Variants in SBF1 observed in about 807,000 individuals in gnomAD.
SBF1 encodes myotubularin-related protein 5.
SBF1 carries 65 observed loss-of-function variants against 215.8 expected under a neutral mutation model. That is an observed-to-expected ratio of 0.30 (90% confidence interval 0.25 to 0.37). The LOEUF (loss-of-function observed/expected upper bound fraction) is 0.37, where lower values mean the gene tolerates loss of function less well. Ranked by LOEUF, SBF1 falls within the 10% of genes least tolerant of loss-of-function variation. The pLI is 1.00. For synonymous variants in SBF1, 1,410 were observed against 1,122.8 expected, an observed-to-expected ratio of 1.26 and a Z score of -5.11; for missense variants, 2,634 against 2,667.8, an observed-to-expected ratio of 0.99 and a Z score of 0.28.
In SBF1 at chr22:50,455,035, G is replaced by T. The variant is rs1346719775; in HGVS notation, c.4662C>A (p.Asp1554Glu). 1 of 1,613,972 alleles carries T rather than the reference G, an allele frequency of 6.2e-7. No homozygotes were observed. The highest frequency in any genetic ancestry group is 8.5e-7 in the Non-Finnish European group (1 of 1,180,032). ...ACATACCCAGCTCAATGCGCTCATA[G>T]TCAGAGTCGAGCAGGAAGGTCCGGA... ...RRFRTFLLDS[D>E]YERIELGLLY... The change falls in exon 34 of 41, where the codon GAC (aspartate) becomes GAA (glutamate). Residue 1554 changes from aspartate (D) to glutamate (E), a missense_variant. Asp to Glu is a conservative substitution (Grantham distance 45). Coordinates refer to ENST00000380817, the MANE Select transcript of SBF1 (RefSeq NM_002972.4).
rs549757966 is a variant in SBF1, at chr22:50,456,982, G to A, written c.3904+52C>T. On this transcript the variant is annotated intron_variant, in intron 29 of 40. Transcript: ENST00000380817. Reference sequence around the variant, plus strand: ...CGCAATAACTCAGTGCACACTAGAGGCCGCCAGCACCAAGTAAGGGGAGGC... The same window carrying A: ...CGCAATAACTCAGTGCACACTAGAGACCGCCAGCACCAAGTAAGGGGAGGC... 68 of 1,341,894 alleles carry A rather than the reference G, an allele frequency of 5.1e-5. No homozygotes were observed. The African/African-American group carries it at 9.8e-4, about 19-fold the overall frequency. The allele number at this position is 1,341,894 out of a possible 1,614,324, so 83.1% of individuals were successfully genotyped here.
intron 22 of SBF1, 45 bp from the exon 23 acceptor site, chr22:50,461,331 G>T (rs751050155): frequency 7.7e-6 from 12 of 1,565,574 alleles, no homozygotes; most frequent in African/African-American, 1.4e-5. Flanking sequence ...AGGTAAGGGG[G>T]GGGGGGTCCC....
At position 50,465,760 on chromosome 22, in the gene SBF1, C is replaced by G. The variant is rs1306264657; in HGVS notation, c.1089+3G>C. On this transcript the variant is annotated splice_donor_region_variant and intron_variant, in intron 10 of 40. Coordinates refer to ENST00000380817, the MANE Select transcript of SBF1 (RefSeq NM_002972.4). Reference sequence around the variant, plus strand: ...CCCATGCAGGAGCAGCAACGACCCCCACCTGCATCTTCAGGGAGGAGGTGG... The same window carrying G: ...CCCATGCAGGAGCAGCAACGACCCCGACCTGCATCTTCAGGGAGGAGGTGG... 6.2e-7 allele frequency: 1 copy of G among 1,600,794 alleles called. No individual in the cohort carries two copies. The highest frequency in any genetic ancestry group is 1.7e-5 in the Admixed American group (1 of 58,096).
At chr22:50,464,238 G>T in intron 15 of SBF1, 91 bp downstream of exon 15, 5 of 1,097,262 alleles carry the variant, frequency 4.6e-6, no homozygotes, top group Non-Finnish European at 6.7e-6. Flanking sequence ...GAGGCCCTGG[G>T]GCAGCGTCAG....
At chr22:50,469,266 T>C (rs955208863) in intron 1 of SBF1, among the ~76,000 whole-genome samples, 3 of 152,176 alleles carry the variant, frequency 2.0e-5, no homozygotes, top group Admixed American at 6.5e-5. Context: ...ACAAAGGCCA[T>C]AGGATGGGTG....
chr22:50,455,665 C>G lies in SBF1; in HGVS notation c.4267-83G>C. ...TCACCAGGCCAGAGACCCGCATGTC[C>G]ACAGGCAGCGGGGAGGCAGGCCCTG... is the stretch of plus-strand genomic sequence containing the variant. On this transcript the variant is annotated intron_variant, in intron 31 of 40. Transcript: ENST00000380817. 2.5e-6 allele frequency: 3 copies of G among 1,179,994 alleles called. No individual in the cohort carries two copies. The South Asian group carries it at 4.0e-5, about 16-fold the overall frequency. 73.1% of individuals were successfully genotyped at this position (1,179,994 alleles called of 1,614,324 possible). A position where few individuals can be genotyped will look rare whatever the true frequency, so the allele number is the denominator to read the frequency against.
Position 50,457,093 on chromosome 22 carries a change from C to A in SBF1, c.3845G>T (p.Arg1282Met). Residue 1282 changes from arginine (R) to methionine (M), a missense_variant, in exon 29 of 41, where the codon AGG becomes ATG. Physicochemically the swap from Arg to Met is moderately conservative, Grantham distance 91. Transcript: ENST00000380817. Reference protein sequence around the residue: ...MGSHVPSPRARVTTLSNPMAA... With the variant: ...MGSHVPSPRAMVTTLSNPMAA... The stretch of plus-strand genomic sequence containing the variant: ...CATGGGGTTGGACAGCGTGGTGACC[C>A]TGGCTCTGGGGCTGGGAACTGAGGG... 6.7e-7 allele frequency: 1 copy of A among 1,489,800 alleles called. No individual in the cohort carries two copies. 92.3% of individuals were successfully genotyped at this position (1,489,800 alleles called of 1,614,324 possible). A position where few individuals can be genotyped will look rare whatever the true frequency, so the allele number is the denominator to read the frequency against.
At chr22:50,449,423 T>G (rs2066958340) in intron 36 of SBF1, among the ~76,000 whole-genome samples, 1 of 152,078 alleles carries the variant, frequency 6.6e-6, no homozygotes, top group South Asian at 2.1e-4. Context: ...AAGACCAGCC[T>G]GGCCAAGATG....
chr22:50,471,951 G>A (rs1475107730), intron 1 of SBF1, among the ~76,000 whole-genome samples: 1 of 152,254 alleles, frequency 6.6e-6, no homozygotes. Context: ...CCAGGCAGAT[G>A]CACACTCAGC....
intron 15 of SBF1, 38 bp from the exon 16 acceptor site, chr22:50,463,470 G>T (rs572632706): frequency 2.0e-6 from 3 of 1,518,754 alleles, no homozygotes; most frequent in South Asian, 2.5e-5. Flanking sequence ...TGAGGGCACA[G>T]AGAAGACCCA....
intron 25 of SBF1, 22 bp from the exon 26 acceptor site, chr22:50,460,181 G>A (rs753562695): frequency 6.2e-7 from 1 of 1,608,258 alleles, no homozygotes; most frequent in Admixed American, 1.7e-5. Context: ...GGGCACACGT[G>A]GTCATCACGG....
chr22:50,452,613 C>A (rs538628748), intron 36 of SBF1, among the ~76,000 whole-genome samples: 67 of 148,852 alleles, frequency 4.5e-4, no homozygotes, highest in Non-Finnish European at 7.5e-4. Context: ...ATCCCAGCTA[C>A]TTGGGAGGCT....
chr22:50,467,212 G>A (rs1054590987), intron 5 of SBF1, 126 bp downstream of exon 5: 41 of 737,526 alleles, frequency 5.6e-5, no homozygotes, highest in South Asian at 1.0e-4. Flanking sequence ...ATGGTGGCAC[G>A]AGGACGCAAG....
rs756909602 is a variant in SBF1, at chr22:50,446,801, G to A, written c.*341C>T. On this transcript the variant is annotated 3_prime_UTR_variant, in exon 41 of 41. Transcript: ENST00000380817. Reference sequence around the variant, plus strand: ...CGGGGAGTGGGGAAGGCAGGCACAGGAGCGTGGCGTTAGTTCTCTCTTTAT... The same window carrying A: ...CGGGGAGTGGGGAAGGCAGGCACAGAAGCGTGGCGTTAGTTCTCTCTTTAT... The A allele has an allele frequency of 3.2e-6, 2 of 619,376 alleles. No individual in the cohort carries two copies. The highest frequency in any genetic ancestry group is 3.5e-5 in the East Asian group (1 of 28,754). 38.4% of individuals were successfully genotyped at this position (619,376 alleles called of 1,614,324 possible).
At chr22:50,471,361 C>T (rs1243992395) in intron 1 of SBF1, among the ~76,000 whole-genome samples, 2 of 152,212 alleles carry the variant, frequency 1.3e-5, no homozygotes, top group African/African-American at 2.4e-5. Context: ...ACACAGACCT[C>T]GCGTTCTGTC....
At position 50,456,668 on chromosome 22, in the gene SBF1, A is replaced by C; in HGVS notation, c.3910T>G (p.Trp1304Gly). The C allele has an allele frequency of 6.8e-7, 1 of 1,475,520 alleles. No homozygotes were observed. The highest frequency in any genetic ancestry group is 9.0e-7 in the Non-Finnish European group (1 of 1,112,036). 91.4% of individuals were successfully genotyped at this position (1,475,520 alleles called of 1,614,324 possible). ...ASRRTAPRGK[W>G]GSVRTSGRSS... ...CGTCCACTGGTCCGGACACTGCCCCACTTACCTGTGAAGGAGATGCCAGGT... is the reference window on the plus strand; with the variant it reads ...CGTCCACTGGTCCGGACACTGCCCCCCTTACCTGTGAAGGAGATGCCAGGT... Residue 1304 changes from tryptophan (W) to glycine (G), a missense_variant, in exon 30 of 41, where the codon TGG becomes GGG. By Grantham distance (184) the Trp-to-Gly change is radical. Coordinates refer to ENST00000380817, the MANE Select transcript of SBF1 (RefSeq NM_002972.4).
chr22:50,445,121 C>CCCCGG lies in SBF1; in HGVS notation c.*2016_*2020dup, dbSNP rs2066724961. On this transcript the variant is annotated 3_prime_UTR_variant, in exon 41 of 41. Coordinates refer to ENST00000380817, the MANE Select transcript of SBF1 (RefSeq NM_002972.4). ...TACTGTGAACCTTCCGGCCCCAAAG[C>CCCCGG]CCCGGCCCGGCCAGGGGTGGGAGAG... 1 of 152,604 alleles carries CCCCGG rather than the reference C, an allele frequency of 6.6e-6. No homozygotes were observed. The highest frequency in any genetic ancestry group is 2.4e-5 in the African/African-American group (1 of 41,458). 9.5% of individuals were successfully genotyped at this position (152,604 alleles called of 1,614,324 possible). A position where few individuals can be genotyped will look rare whatever the true frequency, so the allele number is the denominator to read the frequency against.
chr22:50,447,806 A>G (rs2066893341), intron 38 of SBF1, among the ~76,000 whole-genome samples, 197 bp from the exon 39 acceptor site: 1 of 152,192 alleles, frequency 6.6e-6, no homozygotes, highest in Non-Finnish European at 1.5e-5. Context: ...GCCCAAGAAG[A>G]CGACGCCCAG....
At position 50,467,659 on chromosome 22, in the gene SBF1, C is replaced by T. The variant is rs2067828080; in HGVS notation, c.311G>A (p.Arg104Lys). The T allele has an allele frequency of 2.5e-6, 4 of 1,613,714 alleles. No individual in the cohort carries two copies. The highest frequency in any genetic ancestry group is 3.4e-6 in the Non-Finnish European group (4 of 1,179,828). The change falls in exon 4 of 41, where the codon AGG becomes AAG. Residue 104 changes from arginine (R) to lysine (K), a missense_variant. Arg to Lys is a conservative substitution (Grantham distance 26, BLOSUM62 2). Transcript: ENST00000380817. ...ETTRVEDATE[R>K]EEEGDEGGQT... ...GCCTCCCTCATCCCCCTCTTCCTCC[C>T]TCTCTGTGGCATCCTCCACGCGCGT...
Sources: allele counts gnomAD v4.1 joint callset (sites outside exome capture counted in the v4.1 genomes callset), GRCh38; gene constraint gnomAD v4.1.1; transcripts MANE v1.5; gene names NCBI Gene and HGNC (gene_info 2026-07-23, HGNC 2026-07-21).